TECPR2: variants seen among roughly 807,000 people sequenced by gnomAD.
TECPR2 encodes the protein tectonin beta-propeller repeat-containing protein 2.
TECPR2 carries 65 observed loss-of-function variants against 138.1 expected under a neutral mutation model. That is an observed-to-expected ratio of 0.47 (90% CI 0.39 to 0.58). The LOEUF is 0.58. TECPR2 is among the 20% of genes least tolerant of loss of function. The pLI is 0.00. For synonymous variants in TECPR2, 746 were observed against 749.8 expected, an observed-to-expected ratio of 0.99 and a Z score of 0.08; for missense variants, 1,553 against 1,824.5, an observed-to-expected ratio of 0.85 and a Z score of 2.71.
At chr14:102,493,121 C>A (rs1056362981) in intron 17 of TECPR2, among the ~76,000 whole-genome samples, 1 of 152,248 alleles carries the variant, frequency 6.6e-6, no homozygotes, top group East Asian at 1.9e-4. Context: ...TGCTGAAGCA[C>A]AGTCATCTCC....
chr14:102,451,627 GGTT>G (rs1890145291), intron 15 of TECPR2, among the ~76,000 whole-genome samples: 1 of 151,932 alleles, frequency 6.6e-6, no homozygotes, highest in Non-Finnish European at 1.5e-5. Flanking sequence ...GCCCCTCCGT[GGTT>G]GTTTTGTAAA....
chr14:102,453,402 C>G (rs959914213), intron 16 of TECPR2, among the ~76,000 whole-genome samples: 2 of 151,926 alleles, frequency 1.3e-5, no homozygotes, highest in African/African-American at 4.8e-5. Flanking sequence ...ATTGCTTGAA[C>G]CCGGGAGGCG....
rs531295468 is a variant in TECPR2 at position 102,500,470 on chromosome 14, C to G, written c.*2213C>G. Reference sequence around the variant, plus strand: ...TGTGTGAGCAGGCGTTGGAGGGGTTCGAGCCCCTGGTTCTGTATCTTCAGC... The same window carrying G: ...TGTGTGAGCAGGCGTTGGAGGGGTTGGAGCCCCTGGTTCTGTATCTTCAGC... On this transcript the variant is annotated 3_prime_UTR_variant, in exon 20 of 20. Coordinates refer to ENST00000359520, the MANE Select transcript of TECPR2 (RefSeq NM_014844.5). The G allele has an allele frequency of 6.6e-6, 1 of 152,222 alleles. No homozygotes were observed. The highest frequency in any genetic ancestry group is 1.5e-5 in the Non-Finnish European group (1 of 68,086). 9.4% of individuals were successfully genotyped at this position (152,222 alleles called of 1,614,324 possible). A position where few individuals can be genotyped will look rare whatever the true frequency, so the allele number is the denominator to read the frequency against.
At chr14:102,455,911 T>C (rs147996254) in intron 16 of TECPR2, among the ~76,000 whole-genome samples, 1 of 152,108 alleles carries the variant, frequency 6.6e-6, no homozygotes, top group African/African-American at 2.4e-5. Context: ...CCACGTACAG[T>C]CCCTGCTAAC....
chr14:102,383,778 TA>T, intron 2 of TECPR2, among the ~76,000 whole-genome samples: 1 of 152,258 alleles, frequency 6.6e-6, no homozygotes, highest in East Asian at 1.9e-4. Flanking sequence ...AAACAAATAC[TA>T]AAGTTGAAGT....
rs1890346284 is a variant in TECPR2, at chr14:102,459,123, G to GT, written c.3641-6017dup. On this transcript the variant is annotated intron_variant, in intron 16 of 19. Transcript: ENST00000359520. ...GATTTTTGTTTTAATTTGGGATGGG[G>GT]TCTCACTATGTTGCCTAGGCTGGTC... is the stretch of plus-strand genomic sequence containing the variant. Among the ~76,000 whole-genome samples the GT allele has an allele frequency of 3.9e-5, 6 of 152,074 alleles. No homozygotes were observed. The South Asian group carries it at 1.2e-3, about 32-fold the overall frequency.
At chr14:102,497,393 G>C (rs1891312963) in intron 18 of TECPR2, 177 bp from the exon 19 acceptor site, 1 of 1,030,580 alleles carries the variant, frequency 9.7e-7, no homozygotes, top group African/African-American at 1.6e-5. Context: ...TGGCTTTGCT[G>C]GCCCTGCCAA....
chr14:102,402,158 A>G (rs955524958), intron 2 of TECPR2, among the ~76,000 whole-genome samples: 1 of 152,212 alleles, frequency 6.6e-6, no homozygotes, highest in African/African-American at 2.4e-5. Flanking sequence ...TAAGCCACAA[A>G]TTAGTGTCAA....
intron 17 of TECPR2, among the ~76,000 whole-genome samples, chr14:102,485,270 T>C (rs77693683): frequency 0.01 from 1,551 of 152,364 alleles, 43 homozygotes; most frequent in African/African-American, 0.036. Context: ...AGCACAACTA[T>C]GCTGCCTGCA....
intron 16 of TECPR2, among the ~76,000 whole-genome samples, chr14:102,454,906 T>C (rs573975411): frequency 3.4e-4 from 51 of 152,184 alleles, no homozygotes; most frequent in Non-Finnish European, 6.3e-4. Flanking sequence ...CATGCCAGGT[T>C]CTGCACTGCT....
chr14:102,434,642 A>G lies in TECPR2; in HGVS notation c.1825A>G (p.Asn609Asp), dbSNP rs1442486583. The change falls in exon 9 of 20, where the codon AAT (asparagine) becomes GAT (aspartate). Residue 609 changes from asparagine to aspartate, a missense_variant. Physicochemically the swap from Asn to Asp is conservative, Grantham distance 23. Coordinates refer to ENST00000359520, the MANE Select transcript of TECPR2 (RefSeq NM_014844.5). ...DEPCPADDGP[N>D]STQLPFQEQD... is the part of the protein sequence containing the mutation. ...GCCGTGTCCTGCAGATGATGGACCA[A>G]ATAGCACACAGTTACCCTTCCAAGA... 3.1e-6 allele frequency: 5 copies of G among 1,599,762 alleles called. No homozygotes were observed. The highest frequency in any genetic ancestry group is 1.7e-4 in the Middle Eastern group (1 of 6,034).
intron 19 of TECPR2, 97 bp from the exon 20 acceptor site, chr14:102,498,006 G>C: frequency 1.2e-6 from 1 of 827,108 alleles, no homozygotes; most frequent in South Asian, 2.3e-5. Context: ...CCTAGAATGT[G>C]GCAAGCCCAG....
At chr14:102,381,201 T>G (rs927515837) in intron 2 of TECPR2, among the ~76,000 whole-genome samples, 2 of 152,160 alleles carry the variant, frequency 1.3e-5, no homozygotes, top group Admixed American at 1.3e-4. Context: ...TGTCAGGTGA[T>G]CCACTCGCTT....
At chr14:102,379,989 A>G (rs946394323) in intron 2 of TECPR2, among the ~76,000 whole-genome samples, 2 of 145,350 alleles carry the variant, frequency 1.4e-5, no homozygotes, top group African/African-American at 5.1e-5. Flanking sequence ...GAGGCGTCCT[A>G]GTCACACTGC....
intron 17 of TECPR2, among the ~76,000 whole-genome samples, chr14:102,473,369 A>T (rs965993264): frequency 3.3e-5 from 5 of 152,238 alleles, no homozygotes; most frequent in African/African-American, 1.2e-4. Flanking sequence ...TGAGGACTGG[A>T]ACGTCAGAAG....
chr14:102,374,241 A>AT (rs1395908687), intron 1 of TECPR2, among the ~76,000 whole-genome samples: 2 of 151,984 alleles, frequency 1.3e-5, no homozygotes, highest in African/African-American at 4.8e-5. Flanking sequence ...TATATTTAAT[A>AT]TTTTTTCTTT....
At position 102,425,157 on chromosome 14, in the gene TECPR2, C is replaced by G; in HGVS notation, c.817C>G (p.Arg273Gly). The G allele has an allele frequency of 6.2e-7, 1 of 1,614,112 alleles. No individual in the cohort carries two copies. The highest frequency in any genetic ancestry group is 8.5e-7 in the Non-Finnish European group (1 of 1,180,028). ...GGVKPFELHP[R>G]LESPNSGSCS... ...AGTCAAGCCTTTTGAACTGCACCCG[C>G]GTCTGGAATCCCCCAACAGTGGAAG... The change falls in exon 6 of 20, where the codon CGT becomes GGT. Residue 273 changes from arginine (R) to glycine (G), a missense_variant. Coordinates refer to ENST00000359520, the MANE Select transcript of TECPR2 (RefSeq NM_014844.5).
chr14:102,434,909 T>C lies in TECPR2; in HGVS notation c.2092T>C (p.Trp698Arg). Reference sequence around the variant, plus strand: ...CTCTGGCCACCTCAGCACAAATCTCTGGCATGCTGTCACTGATGATGACAC... The same window carrying C: ...CTCTGGCCACCTCAGCACAAATCTCCGGCATGCTGTCACTGATGATGACAC... Reference protein sequence around the residue: ...EASGHLSTNLWHAVTDDDTGQ... With the variant: ...EASGHLSTNLRHAVTDDDTGQ... The change falls in exon 9 of 20, where the codon TGG becomes CGG. Residue 698 changes from tryptophan (W) to arginine (R), a missense_variant. Transcript: ENST00000359520. 6.2e-7 allele frequency: 1 copy of C among 1,613,528 alleles called. No homozygotes were observed. Among genetic ancestry groups the C allele is most frequent in the Non-Finnish European group, 8.5e-7 (1 of 1,179,842 alleles).
In TECPR2 at chr14:102,483,786, C is replaced by CTTTTCT. The variant is rs1301591230; in HGVS notation, c.3790-13188_3790-13183dup. Among the ~76,000 whole-genome samples the CTTTTCT allele has an allele frequency of 1.3e-3, 141 of 109,412 alleles. 1 individual carries two copies. Among genetic ancestry groups the CTTTTCT allele is most frequent in the African/African-American group, 4.9e-3 (131 of 26,694 alleles). The allele number at this position is 109,412 out of a possible 152,430, so 71.8% of individuals were successfully genotyped here. On this transcript the variant is annotated intron_variant, in intron 17 of 19. Coordinates refer to ENST00000359520, the MANE Select transcript of TECPR2 (RefSeq NM_014844.5). Reference sequence around the variant, plus strand: ...TGCTCTGGCTGAAGGCCTCCTTTTCCTTTTCTTTTTTTTTTTTTTTTTTTT... The same window carrying CTTTTCT: ...TGCTCTGGCTGAAGGCCTCCTTTTCCTTTTCTTTTTCTTTTTTTTTTTTTTTTTTTT...
Sources: gnomAD v4.1 joint callset for allele counts (sites outside exome capture counted in the v4.1 genomes callset) on GRCh38, gnomAD v4.1.1 for gene constraint, MANE v1.5 for transcripts, NCBI Gene and HGNC (gene_info 2026-07-23, HGNC 2026-07-21) for gene names.